The following SLC5A12 variants were observed in gnomAD, a reference collection of about 807,000 sequenced individuals.
SLC5A12 encodes solute carrier family 5 member 12, also known as sodium-coupled monocarboxylate transporter 2.
In SLC5A12, 46 loss-of-function variants were observed where a neutral mutation model predicts 72.7. The observed-to-expected ratio is 0.63, with a 90% CI of 0.50 to 0.81. The LOEUF (loss-of-function observed/expected upper bound fraction) is 0.81, where lower values mean the gene tolerates loss of function less well. Ranked by LOEUF, SLC5A12 falls within the 30% of genes least tolerant of loss-of-function variation. The probability of loss-of-function intolerance (pLI) is 0.00; values close to 1 mark genes in which losing one functional copy is unlikely to be tolerated. For synonymous variants in SLC5A12, 275 were observed against 264.4 expected (o/e 1.04, Z -0.39); for missense variants, 683 against 740.7 (o/e 0.92, Z 0.90).
chr11:26,720,804 C>CT (rs113166398), intron 1 of SLC5A12, among the ~76,000 whole-genome samples: 2,664 of 46,920 alleles, frequency 0.057, 66 homozygotes, highest in Middle Eastern at 0.24. Flanking sequence ...CAATTCCTTT[C>CT]GTTAAAATGT....
intron 6 of SLC5A12, among the ~76,000 whole-genome samples, chr11:26,700,026 T>C (rs1022733691): frequency 2.6e-5 from 4 of 152,224 alleles, no homozygotes; most frequent in African/African-American, 7.2e-5. Flanking sequence ...AAAGTCTTTA[T>C]CCTTAACAAC....
chr11:26,711,180 AAT>A, intron 3 of SLC5A12, 125 bp downstream of exon 3: 1 of 732,776 alleles, frequency 1.4e-6, no homozygotes, highest in Admixed American at 2.5e-5. Flanking sequence ...AATGACTTCT[AAT>A]AGTAATTCAG....
At chr11:26,690,427 C>G (rs1854639877) in intron 9 of SLC5A12, among the ~76,000 whole-genome samples, 1 of 151,336 alleles carries the variant, frequency 6.6e-6, no homozygotes, top group Admixed American at 6.6e-5. Flanking sequence ...ACATGAGAAA[C>G]CTTTATATTA....
chr11:26,697,901 T>TTG (rs1411016410), intron 7 of SLC5A12, among the ~76,000 whole-genome samples: 7 of 143,906 alleles, frequency 4.9e-5, no homozygotes, highest in African/African-American at 1.6e-4. Context: ...TCTTTTTTTT[T>TTG]TTTTTTTTTT....
intron 13 of SLC5A12, among the ~76,000 whole-genome samples, chr11:26,675,243 G>C (rs1246397916): frequency 6.6e-6 from 1 of 152,194 alleles, no homozygotes; most frequent in Non-Finnish European, 1.5e-5. Flanking sequence ...TGCTAAGAAG[G>C]ACAGGACTCT....
At chr11:26,712,618 C>A in intron 2 of SLC5A12, 23 bp downstream of exon 2, 1 of 1,504,272 alleles carries the variant, frequency 6.6e-7, no homozygotes, top group Non-Finnish European at 9.1e-7. Flanking sequence ...GTTTCCACAT[C>A]TGCAGCAGCC....
intron 9 of SLC5A12, among the ~76,000 whole-genome samples, chr11:26,690,743 G>T (rs1380138445): frequency 6.7e-6 from 1 of 150,114 alleles, no homozygotes; most frequent in African/African-American, 2.4e-5. Flanking sequence ...GGAGGTGGAG[G>T]TTGCAGTGAG....
upstream of SLC5A12, among the ~76,000 whole-genome samples, chr11:26,722,769 T>C (rs1855505370): frequency 6.6e-6 from 1 of 151,962 alleles, no homozygotes; most frequent in Non-Finnish European, 1.5e-5. Flanking sequence ...CTGTCAATTG[T>C]TCCAAAGTAC....
chr11:26,675,419 C>T (rs1440667354), intron 13 of SLC5A12, among the ~76,000 whole-genome samples: 1 of 152,150 alleles, frequency 6.6e-6, no homozygotes, highest in Admixed American at 6.5e-5. Flanking sequence ...TGTTTGCCTT[C>T]AATCGTGGAT....
chr11:26,709,261 A>C (rs1337178478), intron 4 of SLC5A12, 51 bp downstream of exon 4: 2 of 1,364,074 alleles, frequency 1.5e-6, no homozygotes, highest in Non-Finnish European at 2.1e-6. Context: ...ATTTGCCCTT[A>C]TCCCATATTA....
At chr11:26,699,739 A>G (rs2133188208) in intron 6 of SLC5A12, among the ~76,000 whole-genome samples, 1 of 152,034 alleles carries the variant, frequency 6.6e-6, no homozygotes, top group South Asian at 2.1e-4. Context: ...GCTCATCCTT[A>G]TTTGTAACAG....
At position 26,698,427 on chromosome 11, in the gene SLC5A12, G is replaced by A; in HGVS notation, c.930C>T (p.Gly310=). 1 of 1,614,004 alleles carries A rather than the reference G, an allele frequency of 6.2e-7. No homozygotes were observed. The highest frequency in any genetic ancestry group is 8.5e-7 in the Non-Finnish European group (1 of 1,179,948). The change falls in exon 7 of 15, where the codon GGC becomes GGT. Residue 310 remains glycine, a synonymous_variant. Coordinates refer to ENST00000396005, the MANE Select transcript of SLC5A12 (RefSeq NM_178498.4). ...ATACCTGGTCTGGTGCTGAGATGAT[G>A]CCAGAAGTCCAAGGGTCACAGTCTT... The part of the protein sequence containing the change: ...HFKDCDPWTS[G]IISAPDQLMP...
At chr11:26,704,480 C>A (rs1458348190) in intron 4 of SLC5A12, among the ~76,000 whole-genome samples, 8 of 152,138 alleles carry the variant, frequency 5.3e-5, no homozygotes, top group Admixed American at 2.6e-4. Context: ...GGCCTGACCA[C>A]ACAGACTTTG....
At chr11:26,682,105 T>G (rs1490342747) in intron 11 of SLC5A12, among the ~76,000 whole-genome samples, 1 of 151,782 alleles carries the variant, frequency 6.6e-6, no homozygotes, top group Non-Finnish European at 1.5e-5. Context: ...TCACAACAAC[T>G]CAGTTCTCTT....
chr11:26,711,248 A>G (rs1565202124), intron 3 of SLC5A12, 59 bp downstream of exon 3: 4 of 1,352,706 alleles, frequency 3.0e-6, no homozygotes, highest in Non-Finnish European at 4.2e-6. Context: ...CTAATTCTGC[A>G]AGGTGAGAAT....
chr11:26,680,558 T>G (rs879752628), intron 12 of SLC5A12, among the ~76,000 whole-genome samples: 4 of 151,632 alleles, frequency 2.6e-5, no homozygotes, highest in Admixed American at 1.3e-4. Context: ...CTCTACACCA[T>G]AGTATCTGAT....
chr11:26,671,047 T>TTTTGTGTGTG lies in SLC5A12; in HGVS notation c.*54_*55insCACACACAAA. 1 of 1,354,116 alleles carries TTTTGTGTGTG rather than the reference T, an allele frequency of 7.4e-7. No individual in the cohort carries two copies. The highest frequency in any genetic ancestry group is 1.0e-6 in the Non-Finnish European group (1 of 991,516). 83.9% of individuals were successfully genotyped at this position (1,354,116 alleles called of 1,614,324 possible). A position where few individuals can be genotyped will look rare whatever the true frequency, so the allele number is the denominator to read the frequency against. ...CAAGTAGGCAAGAAGTATGTGGAGT[T>TTTTGTGTGTG]TGTGTGTGTGTGTGTGTATTGCACG... is the stretch of plus-strand genomic sequence containing the variant. On this transcript the variant is annotated 3_prime_UTR_variant, in exon 15 of 15. Coordinates refer to ENST00000396005, the MANE Select transcript of SLC5A12 (RefSeq NM_178498.4).
In SLC5A12 at chr11:26,721,733, A is replaced by G. The variant is rs1485513135; in HGVS notation, c.-19T>C. 2 of 1,597,300 alleles carry G rather than the reference A, an allele frequency of 1.3e-6. No homozygotes were observed. Among genetic ancestry groups the G allele is most frequent in the South Asian group, 2.2e-5 (2 of 89,144 alleles). ...CCTCCATATTGGAAAGTATGACACC[A>G]GAGAGTTTCTTTCAACGAGGTCTCA... On this transcript the variant is annotated 5_prime_UTR_variant, in exon 1 of 15. Transcript: ENST00000396005.
intron 1 of SLC5A12, among the ~76,000 whole-genome samples, chr11:26,713,820 A>C (rs182294009): frequency 6.6e-6 from 1 of 152,136 alleles, no homozygotes. Context: ...GGTCAAAATC[A>C]AAGTGTGAGC....
Sources: allele counts gnomAD v4.1 joint callset (sites outside exome capture counted in the v4.1 genomes callset), GRCh38; gene constraint gnomAD v4.1.1; transcripts MANE v1.5; gene names NCBI Gene and HGNC (gene_info 2026-07-23, HGNC 2026-07-21).